BANF2: variants seen among roughly 807,000 people sequenced by gnomAD.
BANF2 encodes the protein BANF family member 2, also known as barrier-to-autointegration factor-like protein.
BANF2 carries 4 observed loss-of-function variants against 8.0 expected under a neutral mutation model. The ratio of observed to expected loss-of-function variants is 0.50; its 90% CI spans 0.25 to 1.14. The LOEUF (loss-of-function observed/expected upper bound fraction) is 1.14. Ranked by LOEUF, BANF2 falls within the 50% of genes most tolerant of loss-of-function variation. The pLI is 0.16. For missense variants in BANF2, 96 were observed against 107.5 expected, an observed-to-expected ratio of 0.89 and a Z score of 0.47; for synonymous variants, 50 against 40.6, an observed-to-expected ratio of 1.23 and a Z score of -0.88.
intron 1 of BANF2, among the ~76,000 whole-genome samples, chr20:17,710,231 G>GGGGA (rs1568809876): frequency 6.6e-6 from 1 of 152,182 alleles, no homozygotes; most frequent in Non-Finnish European, 1.5e-5. Flanking sequence ...GAGCCCTGGG[G>GGGGA]GGGACATGGG....
At chr20:17,723,266 G>A (rs934270470) in intron 2 of BANF2, among the ~76,000 whole-genome samples, 4 of 152,160 alleles carry the variant, frequency 2.6e-5, no homozygotes, top group Non-Finnish European at 5.9e-5. Flanking sequence ...AGGGGTTGGC[G>A]TATTACAGTT....
chr20:17,725,300 A>G, intron 3 of BANF2, 149 bp downstream of exon 3: 10 of 985,374 alleles, frequency 1.0e-5, no homozygotes, highest in Non-Finnish European at 1.2e-5. Context: ...CTTTCGTGCT[A>G]TTGACCCCAC....
chr20:17,715,961 C>T (rs2037645980), intron 1 of BANF2, among the ~76,000 whole-genome samples: 1 of 152,214 alleles, frequency 6.6e-6, no homozygotes, highest in African/African-American at 2.4e-5. Context: ...TTTCCTCCAC[C>T]CTGGCTTCTT....
intron 1 of BANF2, among the ~76,000 whole-genome samples, chr20:17,707,478 T>A (rs1269247314): frequency 6.6e-6 from 1 of 152,036 alleles, no homozygotes; most frequent in African/African-American, 2.4e-5. Flanking sequence ...GAGGCAAGAA[T>A]GGCAGTCACT....
chr20:17,693,706 G>A (rs1254591684), exon 1 of BANF2: 12 of 1,551,494 alleles, frequency 7.7e-6, no homozygotes, highest in East Asian at 4.9e-5. Context: ...GAGGAACAAA[G>A]GTAAGGCAGA....
intron 3 of BANF2, among the ~76,000 whole-genome samples, chr20:17,730,783 G>C (rs2037883273): frequency 6.6e-6 from 1 of 152,254 alleles, no homozygotes; most frequent in Admixed American, 6.5e-5. Context: ...TGCTGGGTGG[G>C]CGGTGAGACG....
At chr20:17,717,544 T>C (rs2037672530) in intron 1 of BANF2, among the ~76,000 whole-genome samples, 1 of 152,276 alleles carries the variant, frequency 6.6e-6, no homozygotes, top group South Asian at 2.1e-4. Context: ...TCATCTAGGC[T>C]AGTTTCCCTA....
intron 3 of BANF2, among the ~76,000 whole-genome samples, chr20:17,733,154 A>G (rs887762066): frequency 6.6e-6 from 1 of 152,206 alleles, no homozygotes; most frequent in African/African-American, 2.4e-5. Flanking sequence ...GCCTGTGGGT[A>G]TGTGGAGGCT....
At chr20:17,717,402 T>C (rs571880073) in intron 1 of BANF2, among the ~76,000 whole-genome samples, 7 of 152,276 alleles carry the variant, frequency 4.6e-5, no homozygotes, top group African/African-American at 1.7e-4. Context: ...GTTAACTATG[T>C]AATAAAGTAG....
chr20:17,712,272 C>G (rs1013595976), intron 1 of BANF2: 1 of 152,458 alleles, frequency 6.6e-6, no homozygotes, highest in East Asian at 1.9e-4. Flanking sequence ...GTTCACCCAT[C>G]AGGCCTTAAA....
intron 3 of BANF2, among the ~76,000 whole-genome samples, chr20:17,732,229 C>T (rs893670683): frequency 2.0e-5 from 3 of 152,256 alleles, no homozygotes; most frequent in Admixed American, 2.0e-4. Context: ...CTGGCATAGG[C>T]TCAAACTGCT....
At chr20:17,728,075 G>A (rs1287964150) in intron 3 of BANF2, among the ~76,000 whole-genome samples, 1 of 152,168 alleles carries the variant, frequency 6.6e-6, no homozygotes, top group Admixed American at 6.5e-5. Context: ...CTGGCACAGG[G>A]AGGGACATCT....
chr20:17,720,806 A>T (rs1277070758), intron 1 of BANF2, among the ~76,000 whole-genome samples: 1 of 152,220 alleles, frequency 6.6e-6, no homozygotes, highest in Admixed American at 6.5e-5. Flanking sequence ...TATGTTAGGT[A>T]TATTTTACCA....
At chr20:17,733,869 C>T (rs2037937927) in intron 3 of BANF2, among the ~76,000 whole-genome samples, 1 of 152,160 alleles carries the variant, frequency 6.6e-6, no homozygotes, top group Non-Finnish European at 1.5e-5. Context: ...GATTTCTCTT[C>T]TTAAAAAGTA....
intron 1 of BANF2, 138 bp downstream of exon 1, chr20:17,700,193 A>G (rs1487682245): frequency 5.4e-6 from 1 of 185,602 alleles, no homozygotes; most frequent in East Asian, 1.9e-4. Context: ...GGTAAGCCCC[A>G]AACTCTTCCT....
chr20:17,705,451 A>G (rs992321057), intron 1 of BANF2, among the ~76,000 whole-genome samples: 2 of 152,252 alleles, frequency 1.3e-5, no homozygotes, highest in Admixed American at 1.3e-4. Context: ...TAGCACCAGA[A>G]GAATCTTGAA....
chr20:17,721,315 G>A (rs2037724142), intron 1 of BANF2, among the ~76,000 whole-genome samples: 1 of 152,116 alleles, frequency 6.6e-6, no homozygotes. Context: ...TCTGCGGGAG[G>A]TTGCCTCCCT....
chr20:17,708,059 A>C (rs1386112128), intron 1 of BANF2, among the ~76,000 whole-genome samples: 21 of 151,302 alleles, frequency 1.4e-4, no homozygotes, highest in Non-Finnish European at 2.7e-4. Flanking sequence ...AAAAAAAAAA[A>C]AAAAAAAACC....
chr20:17,722,201 A>G (rs4589829), intron 1 of BANF2, among the ~76,000 whole-genome samples: 147,753 of 152,356 alleles, frequency 0.97, 71,657 homozygotes, highest in East Asian at 1. Flanking sequence ...CACCCCAGAG[A>G]TGTTGCAAGG....
Sources: gnomAD v4.1 joint callset for allele counts (sites outside exome capture counted in the v4.1 genomes callset) on GRCh38, gnomAD v4.1.1 for gene constraint, MANE v1.5 for transcripts, NCBI Gene and HGNC (gene_info 2026-07-23, HGNC 2026-07-21) for gene names.